PYROXD2: variants seen among roughly 807,000 people sequenced by gnomAD.
The protein encoded by PYROXD2 is pyridine nucleotide-disulphide oxidoreductase domain 2.
In PYROXD2, 69 loss-of-function variants were observed where a neutral mutation model predicts 71.1. That is an observed-to-expected ratio of 0.97 (90% confidence interval 0.80 to 1.19). PYROXD2 has a LOEUF of 1.19. Ranked by LOEUF, PYROXD2 falls within the 50% of genes most tolerant of loss-of-function variation. The probability of loss-of-function intolerance (pLI) is 0.00; values close to 1 mark genes in which losing one functional copy is unlikely to be tolerated. For missense variants in PYROXD2, 745 were observed against 748.9 expected, an observed-to-expected ratio of 0.99 and a Z score of 0.06; for synonymous variants, 287 against 302.7, an observed-to-expected ratio of 0.95 and a Z score of 0.54.
Position 98,392,435 on chromosome 10 carries a change from T to G in PYROXD2, c.1059A>C (p.Pro353=), listed in dbSNP as rs533378644. The change falls in exon 10 of 16, where the codon CCA becomes CCC. Residue 353 remains proline, a synonymous_variant. Coordinates refer to ENST00000370575, the MANE Select transcript of PYROXD2 (RefSeq NM_032709.3). ...SPQITFLKLT[P]QEWLPEEFLE... ...ACCCTCCTGCCCACAGCCTCACCTG[T>G]GGCGTCAGCTTCAGGAAGGTGATCT... 9 of 1,613,496 alleles carry G rather than the reference T, an allele frequency of 5.6e-6. No homozygotes were observed. The highest frequency in any genetic ancestry group is 3.3e-4 in the Middle Eastern group (2 of 6,054).
Position 98,400,189 on chromosome 10 carries a change from G to A in PYROXD2, c.384C>T (p.Gly128=). Residue 128 remains glycine (G), a synonymous_variant, in exon 5 of 16, where the codon GGC becomes GGT. Coordinates refer to ENST00000370575, the MANE Select transcript of PYROXD2 (RefSeq NM_032709.3). ...SFTPMLEEGA[G]SKVPRCLLLG... ...GCAGAAGGCACCTGGGCACCTTGCT[G>A]CCTGCACCCTCTTCCAGCATGGGGG... The A allele has an allele frequency of 1.2e-6, 2 of 1,613,382 alleles. No individual in the cohort carries two copies. Among genetic ancestry groups the A allele is most frequent in the South Asian group, 2.2e-5 (2 of 90,830 alleles).
chr10:98,405,681 G>A (rs1843574352), intron 4 of PYROXD2, among the ~76,000 whole-genome samples: 1 of 152,198 alleles, frequency 6.6e-6, no homozygotes, highest in Non-Finnish European at 1.5e-5. Flanking sequence ...CTCAGCCTCT[G>A]TGCACACTGC....
chr10:98,412,721 T>A (rs908872962), intron 1 of PYROXD2, among the ~76,000 whole-genome samples: 2 of 152,198 alleles, frequency 1.3e-5, no homozygotes, highest in Non-Finnish European at 2.9e-5. Context: ...AACCAGGCTT[T>A]ATGGTATGTT....
intron 8 of PYROXD2, among the ~76,000 whole-genome samples, chr10:98,394,419 C>T (rs920409276): frequency 1.3e-5 from 2 of 152,114 alleles, no homozygotes; most frequent in African/African-American, 4.8e-5. Flanking sequence ...GTTGAAAAAC[C>T]ACTTCCGAGG....
At chr10:98,413,441 C>T (rs376747315) in intron 1 of PYROXD2, among the ~76,000 whole-genome samples, 65 of 152,298 alleles carry the variant, frequency 4.3e-4, no homozygotes, top group African/African-American at 1.4e-3. Context: ...GGAGGCCGGG[C>T]GCAGTGGCTC....
chr10:98,392,273 C>T (rs371774268), intron 10 of PYROXD2, among the ~76,000 whole-genome samples, 159 bp downstream of exon 10: 39 of 152,294 alleles, frequency 2.6e-4, no homozygotes, highest in African/African-American at 7.5e-4. Flanking sequence ...GAGGCTTCTT[C>T]CCCGTTTGCT....
intron 2 of PYROXD2, among the ~76,000 whole-genome samples, chr10:98,409,725 A>G (rs927084139): frequency 1.3e-5 from 2 of 152,196 alleles, no homozygotes; most frequent in Non-Finnish European, 2.9e-5. Context: ...CGGAGAGGCT[A>G]AGTGACACCT....
chr10:98,410,820 C>A (rs1843759369), intron 2 of PYROXD2, 119 bp downstream of exon 2: 1 of 1,453,456 alleles, frequency 6.9e-7, no homozygotes, highest in Non-Finnish European at 9.4e-7. Flanking sequence ...ATCGACTAGG[C>A]TGCCTTTTCC....
At chr10:98,388,983 C>T (rs528733408) in intron 12 of PYROXD2, among the ~76,000 whole-genome samples, 1 of 152,310 alleles carries the variant, frequency 6.6e-6, no homozygotes, top group East Asian at 1.9e-4. Flanking sequence ...CACCCCACCA[C>T]CTTTGCCTGC....
chr10:98,400,418 C>A lies in PYROXD2; in HGVS notation c.316-161G>T, dbSNP rs534505425. On this transcript the variant is annotated intron_variant, in intron 4 of 15. Coordinates refer to ENST00000370575, the MANE Select transcript of PYROXD2 (RefSeq NM_032709.3). ...TTTTAAATATAAGTTTATAAAAAGC[C>A]CTCTTGCCCAAGTACCCTATGGTAG... 3.3e-5 allele frequency among the ~76,000 whole-genome samples: 5 copies of A among 152,076 alleles called. No homozygotes were observed. In the South Asian group the frequency reaches 1.0e-3, roughly 32 times the overall value.
chr10:98,407,567 G>A lies in PYROXD2; in HGVS notation c.315+15C>T, dbSNP rs1283876202. 6.2e-7 allele frequency: 1 copy of A among 1,613,234 alleles called. No individual in the cohort carries two copies. Among genetic ancestry groups the A allele is most frequent in the Admixed American group, 1.7e-5 (1 of 59,996 alleles). ...CTCCTCCCTCCGTGCAATCGGGCCG[G>A]CGGGGGGGCCCTACCTTCAGCTCCA... On this transcript the variant is annotated intron_variant, in intron 4 of 15. Transcript: ENST00000370575.
In PYROXD2 at chr10:98,385,186, T is replaced by C. The variant is rs146766405; in HGVS notation, c.1555-119A>G. 7.7e-4 allele frequency: 1,071 copies of C among 1,394,812 alleles called. 9 individuals carry two copies. In the African/African-American group the frequency reaches 0.013, roughly 17 times the overall value. 86.4% of individuals were successfully genotyped at this position (1,394,812 alleles called of 1,614,324 possible). A position where few individuals can be genotyped will look rare whatever the true frequency, so the allele number is the denominator to read the frequency against. Reference sequence around the variant, plus strand: ...GTTCTTCTCCTTCCAGGATATTTTCTTGGGTTTTAAAATGCAGAAAGGGAA... The same window carrying C: ...GTTCTTCTCCTTCCAGGATATTTTCCTGGGTTTTAAAATGCAGAAAGGGAA... On this transcript the variant is annotated intron_variant, in intron 14 of 15. Coordinates refer to ENST00000370575, the MANE Select transcript of PYROXD2 (RefSeq NM_032709.3).
intron 14 of PYROXD2, among the ~76,000 whole-genome samples, chr10:98,385,504 C>T (rs536569167): frequency 5.9e-5 from 9 of 152,350 alleles, no homozygotes; most frequent in African/African-American, 1.7e-4. Flanking sequence ...CAAGGGGCAA[C>T]GGAGCCCGAG....
intron 8 of PYROXD2, among the ~76,000 whole-genome samples, chr10:98,394,641 T>A (rs1843090250): frequency 6.6e-6 from 1 of 151,878 alleles, no homozygotes; most frequent in South Asian, 2.1e-4. Context: ...GGCTTTGCTG[T>A]GTCTGACTGC....
At chr10:98,390,781 T>A in intron 11 of PYROXD2, 27 bp from the exon 12 acceptor site, 2 of 1,552,800 alleles carry the variant, frequency 1.3e-6, no homozygotes, top group Non-Finnish European at 1.7e-6. Context: ...GAGGGTCAGG[T>A]CTTAGCCCCA....
At chr10:98,403,777 T>G (rs937074954) in intron 4 of PYROXD2, among the ~76,000 whole-genome samples, 20 of 152,184 alleles carry the variant, frequency 1.3e-4, no homozygotes, top group African/African-American at 4.6e-4. Flanking sequence ...TTTCTTTTCT[T>G]CTTGGCACTC....
rs143985239 is a variant in PYROXD2 at position 98,407,636 on chromosome 10, C to T, written c.261G>A (p.Ala87=). 1.3e-4 allele frequency: 202 copies of T among 1,613,716 alleles called. 5 individuals carry two copies. Among genetic ancestry groups the T allele is most frequent in the Non-Finnish European group, 1.6e-4 (189 of 1,179,880 alleles). ...GCCTCAGCAGGCTGAGCAGGTAGGA[C>T]GCGCGGGAGAACTTAAACCCTGAAA... ...EIIPGFKFSR[A]SYLLSLLRPQ... The change falls in exon 4 of 16, where the codon GCG becomes GCA. Residue 87 remains alanine (A), a synonymous_variant. Coordinates refer to ENST00000370575, the MANE Select transcript of PYROXD2 (RefSeq NM_032709.3).
chr10:98,386,831 C>T (rs1842770295), intron 14 of PYROXD2, among the ~76,000 whole-genome samples: 2 of 152,156 alleles, frequency 1.3e-5, no homozygotes, highest in Admixed American at 1.3e-4. Context: ...ATCTGGTCTC[C>T]CTGTCTCCAA....
Position 98,407,641 on chromosome 10 carries a change from G to C in PYROXD2, c.256C>G (p.Arg86Gly), listed in dbSNP as rs771220421. ...AGCAGGCTGAGCAGGTAGGACGCGC[G>C]GGAGAACTTAAACCCTGAAACCGAA... ...EEIIPGFKFS[R>G]ASYLLSLLRP... The change falls in exon 4 of 16, where the codon CGC becomes GGC. Residue 86 changes from arginine to glycine, a missense_variant. By Grantham distance (125) the Arg-to-Gly change is moderately radical. Transcript: ENST00000370575. 1 of 1,613,924 alleles carries C rather than the reference G, an allele frequency of 6.2e-7. No individual in the cohort carries two copies. The highest frequency in any genetic ancestry group is 8.5e-7 in the Non-Finnish European group (1 of 1,179,990).
Sources: allele counts gnomAD v4.1 joint callset (sites outside exome capture counted in the v4.1 genomes callset), GRCh38; gene constraint gnomAD v4.1.1; transcripts MANE v1.5; gene names NCBI Gene and HGNC (gene_info 2026-07-23, HGNC 2026-07-21).